ESRRG: variants seen among roughly 807,000 people sequenced by gnomAD.
The protein encoded by ESRRG is estrogen-related receptor gamma.
In ESRRG, 13 loss-of-function variants were observed where a neutral mutation model predicts 44.0. The ratio of observed to expected loss-of-function variants is 0.30; its 90% CI spans 0.19 to 0.47. The LOEUF (loss-of-function observed/expected upper bound fraction) is 0.47, where lower values mean the gene tolerates loss of function less well. Among genes scored for constraint, ESRRG ranks in the 20% least tolerant of loss-of-function variants. ESRRG has a pLI of 1.00. For synonymous variants in ESRRG, 215 were observed against 214.6 expected (o/e 1.00, Z -0.02); for missense variants, 395 against 580.6 (o/e 0.68, Z 3.29).
intron 2 of ESRRG, among the ~76,000 whole-genome samples, chr1:216,774,978 T>A (rs2093546119): frequency 6.6e-6 from 1 of 151,584 alleles, no homozygotes; most frequent in South Asian, 2.1e-4. Flanking sequence ...TTTTTTTTTT[T>A]TTTAATTTTT....
intron 2 of ESRRG, among the ~76,000 whole-genome samples, chr1:216,785,117 A>C (rs189592509): frequency 6.6e-6 from 1 of 152,076 alleles, no homozygotes; most frequent in Admixed American, 6.6e-5. Flanking sequence ...TTCAAAAAAA[A>C]ATCAAATTTC....
chr1:216,608,876 A>G (rs1451497802), intron 3 of ESRRG, among the ~76,000 whole-genome samples: 1 of 152,232 alleles, frequency 6.6e-6, no homozygotes, highest in Non-Finnish European at 1.5e-5. Flanking sequence ...AAATTAATAT[A>G]TCTAGAGTAA....
intron 1 of ESRRG, chr1:217,076,815 C>G (rs1160434057): frequency 6.6e-6 from 1 of 152,152 alleles, no homozygotes; most frequent in Admixed American, 6.5e-5. Context: ...CCCTGAAATA[C>G]AGACTTCCTT....
At chr1:216,984,024 G>A (rs1271198531) in intron 1 of ESRRG, among the ~76,000 whole-genome samples, 1 of 137,598 alleles carries the variant, frequency 7.3e-6, no homozygotes, top group Non-Finnish European at 1.5e-5. Context: ...GGTGCTGGGA[G>A]AGGGGGCGGA....
chr1:216,787,583 CA>C, intron 2 of ESRRG, among the ~76,000 whole-genome samples: 1 of 109,260 alleles, frequency 9.2e-6, no homozygotes, highest in East Asian at 2.7e-4. Context: ...GCCTGGGTGA[CA>C]GAGCAAGACT....
At chr1:217,102,177 C>A (rs559644790) in intron 1 of ESRRG, among the ~76,000 whole-genome samples, 3 of 152,180 alleles carry the variant, frequency 2.0e-5, no homozygotes, top group Admixed American at 6.5e-5. Flanking sequence ...TCATAGAAAT[C>A]TTTTAACAAC....
rs923894547 is a variant in ESRRG, at chr1:217,034,781, A to G, written c.-106+54726T>C. Among the ~76,000 whole-genome samples the G allele has an allele frequency of 3.3e-5, 5 of 152,172 alleles. No individual in the cohort carries two copies. In the East Asian group the frequency reaches 9.6e-4, roughly 29 times the overall value. On this transcript the variant is annotated intron_variant, in intron 1 of 7. Coordinates refer to the ESRRG transcript ENST00000359162. ...GAGGACAGGGACCAGGCTGCAGTGC[A>G]CCATACGTAACACCAGGTACATTCT...
chr1:217,050,992 C>T (rs1208980277), intron 1 of ESRRG, among the ~76,000 whole-genome samples: 2 of 151,966 alleles, frequency 1.3e-5, no homozygotes, highest in Admixed American at 1.3e-4. Flanking sequence ...ACAGAACAGA[C>T]TCCAAGGTGG....
chr1:216,824,556 C>T (rs2148659550), intron 2 of ESRRG, among the ~76,000 whole-genome samples: 1 of 151,872 alleles, frequency 6.6e-6, no homozygotes, highest in African/African-American at 2.4e-5. Flanking sequence ...GGCACAGATC[C>T]TGCAGGGAAT....
chr1:216,736,628 GT>G (rs1198444960), intron 2 of ESRRG, among the ~76,000 whole-genome samples: 1 of 152,148 alleles, frequency 6.6e-6, no homozygotes, highest in African/African-American at 2.4e-5. Flanking sequence ...AGGAAGAATG[GT>G]TTTTGGTCAT....
intron 1 of ESRRG, among the ~76,000 whole-genome samples, chr1:216,719,378 A>G (rs1468601544): frequency 6.6e-6 from 1 of 152,040 alleles, no homozygotes; most frequent in Non-Finnish European, 1.5e-5. Context: ...AATATTTTAC[A>G]AAAATGCCTG....
chr1:216,559,395 T>C (rs2058261197), intron 5 of ESRRG, among the ~76,000 whole-genome samples: 1 of 152,220 alleles, frequency 6.6e-6, no homozygotes, highest in Non-Finnish European at 1.5e-5. Context: ...AATTGAGTTA[T>C]GGGATGCAGC....
chr1:216,795,327 G>A (rs1171961554), intron 2 of ESRRG, among the ~76,000 whole-genome samples: 1 of 137,110 alleles, frequency 7.3e-6, no homozygotes, highest in Non-Finnish European at 1.5e-5. Context: ...TTTATTTTAT[G>A]GTTTTTTTCT....
intron 2 of ESRRG, among the ~76,000 whole-genome samples, chr1:216,932,217 A>C (rs1384784295): frequency 6.6e-6 from 1 of 152,152 alleles, no homozygotes; most frequent in Non-Finnish European, 1.5e-5. Context: ...GGGTGAAAAA[A>C]AGGTAAAAAT....
At chr1:216,665,261 C>G (rs2073612528) in intron 2 of ESRRG, among the ~76,000 whole-genome samples, 2 of 151,990 alleles carry the variant, frequency 1.3e-5, no homozygotes, top group Non-Finnish European at 2.9e-5. Flanking sequence ...AAAAAAAATC[C>G]TCATCTCTAT....
intron 5 of ESRRG, among the ~76,000 whole-genome samples, chr1:216,537,104 G>C (rs1297358034): frequency 6.6e-6 from 1 of 151,972 alleles, no homozygotes; most frequent in East Asian, 1.9e-4. Flanking sequence ...ATTCTTAGTT[G>C]AAATCCTATC....
upstream of ESRRG, among the ~76,000 whole-genome samples, chr1:217,092,045 C>G (rs2092353921): frequency 6.6e-6 from 1 of 152,166 alleles, no homozygotes; most frequent in African/African-American, 2.4e-5. Context: ...TGAGTGGTTT[C>G]TTACCCCAGG....
At chr1:216,865,970 C>A (rs2149150770) in intron 2 of ESRRG, among the ~76,000 whole-genome samples, 1 of 152,266 alleles carries the variant, frequency 6.6e-6, no homozygotes, top group Admixed American at 6.5e-5. Flanking sequence ...CATCCAAAAG[C>A]AGACATGACA....
intron 3 of ESRRG, among the ~76,000 whole-genome samples, chr1:216,575,824 T>A (rs995024363): frequency 2.0e-5 from 3 of 152,046 alleles, no homozygotes; most frequent in African/African-American, 7.2e-5. Flanking sequence ...AATACCTGCA[T>A]CATGATATGG....
Sources: allele counts gnomAD v4.1 joint callset (sites outside exome capture counted in the v4.1 genomes callset), GRCh38; gene constraint gnomAD v4.1.1; transcripts MANE v1.5; gene names NCBI Gene and HGNC (gene_info 2026-07-23, HGNC 2026-07-21).